The following PCBD2 variants were observed in gnomAD, a reference collection of about 807,000 sequenced individuals.
PCBD2 encodes pterin-4-alpha-carbinolamine dehydratase 2.
PCBD2 carries 12 observed loss-of-function variants against 16.4 expected under a neutral mutation model. The observed-to-expected ratio is 0.73, with a 90% CI of 0.47 to 1.19. The LOEUF is 1.19. PCBD2 is among the 50% of genes most tolerant of loss of function. The probability of loss-of-function intolerance (pLI) is 0.00; values close to 1 mark genes in which losing one functional copy is unlikely to be tolerated. For missense variants in PCBD2, 138 were observed against 156.8 expected, an observed-to-expected ratio of 0.88 and a Z score of 0.64; for synonymous variants, 58 against 61.8, an observed-to-expected ratio of 0.94 and a Z score of 0.29.
At chr5:134,930,063 A>T (rs1172894322) in intron 2 of PCBD2, among the ~76,000 whole-genome samples, 3 of 152,218 alleles carry the variant, frequency 2.0e-5, no homozygotes, top group Non-Finnish European at 4.4e-5. Flanking sequence ...TAGAGCTAGA[A>T]AGGATGGGGC....
intron 2 of PCBD2, 39 bp from the exon 3 acceptor site, chr5:134,959,001 G>A: frequency 6.6e-7 from 1 of 1,523,600 alleles, no homozygotes; most frequent in Non-Finnish European, 9.1e-7. Flanking sequence ...TAGGGTAGAG[G>A]ACAATGTCAG....
chr5:134,920,659 C>CTTT (rs36005222), intron 2 of PCBD2, among the ~76,000 whole-genome samples: 1 of 140,128 alleles, frequency 7.1e-6, no homozygotes, highest in Non-Finnish European at 1.6e-5. Context: ...AGGATGGAGG[C>CTTT]TTTTTTTTTT....
At chr5:134,906,834 C>G (rs1274926965) in intron 1 of PCBD2, among the ~76,000 whole-genome samples, 1 of 152,214 alleles carries the variant, frequency 6.6e-6, no homozygotes, top group Non-Finnish European at 1.5e-5. Context: ...CTAAAAGTAA[C>G]AAAGTTAGGC....
intron 2 of PCBD2, among the ~76,000 whole-genome samples, chr5:134,952,761 G>C: frequency 6.6e-6 from 1 of 151,194 alleles, no homozygotes; most frequent in East Asian, 1.9e-4. Flanking sequence ...AGCTATATTC[G>C]TGCCACTGCA....
At chr5:134,907,570 A>G (rs1000627836) in intron 1 of PCBD2, among the ~76,000 whole-genome samples, 1 of 150,566 alleles carries the variant, frequency 6.6e-6, no homozygotes, top group Non-Finnish European at 1.5e-5. Flanking sequence ...TGATAGATGT[A>G]TGTGTAAGTT....
At position 134,932,280 on chromosome 5, in the gene PCBD2, C is replaced by T. The variant is rs541897048; in HGVS notation, c.216+21814C>T. On this transcript the variant is annotated intron_variant, in intron 2 of 3. Coordinates refer to ENST00000254908, the MANE Select transcript of PCBD2 (RefSeq NM_032151.5). The stretch of plus-strand genomic sequence containing the variant: ...GTAGCCTCAAATTACTGGGCTCAAG[C>T]GATCCTCCTACCTCCGCCTCCTGAG... Among the ~76,000 whole-genome samples the T allele has an allele frequency of 1.3e-3, 202 of 152,068 alleles. 1 individual carries two copies. The highest frequency in any genetic ancestry group is 4.5e-3 in the African/African-American group (187 of 41,464).
At chr5:134,929,840 T>TG (rs1383985212) in intron 2 of PCBD2, among the ~76,000 whole-genome samples, 1 of 152,104 alleles carries the variant, frequency 6.6e-6, no homozygotes, top group African/African-American at 2.4e-5. Flanking sequence ...TACAGGCACA[T>TG]GCCACCATGC....
chr5:134,910,166 G>T (rs1381573491), intron 1 of PCBD2, among the ~76,000 whole-genome samples, 169 bp from the exon 2 acceptor site: 1 of 152,214 alleles, frequency 6.6e-6, no homozygotes, highest in East Asian at 1.9e-4. Context: ...AGCTTATTTT[G>T]CACAGAGCTA....
chr5:134,914,603 G>T (rs527439851), intron 2 of PCBD2, among the ~76,000 whole-genome samples: 2 of 152,076 alleles, frequency 1.3e-5, no homozygotes, highest in African/African-American at 4.8e-5. Flanking sequence ...TTGGAGTCTC[G>T]GCAGGGTAGG....
At chr5:134,956,491 G>A (rs1365353015) in intron 2 of PCBD2, among the ~76,000 whole-genome samples, 1 of 152,162 alleles carries the variant, frequency 6.6e-6, no homozygotes, top group Non-Finnish European at 1.5e-5. Context: ...AATGGGAAAT[G>A]GCAAGGAATT....
intron 2 of PCBD2, among the ~76,000 whole-genome samples, chr5:134,917,562 G>T (rs1750849069): frequency 6.6e-6 from 1 of 152,204 alleles, no homozygotes; most frequent in Non-Finnish European, 1.5e-5. Context: ...TCTTCGGTGG[G>T]CCTGCCCAGC....
intron 2 of PCBD2, among the ~76,000 whole-genome samples, chr5:134,935,570 C>T (rs1271021971): frequency 4.6e-5 from 7 of 152,172 alleles, no homozygotes; most frequent in African/African-American, 1.7e-4. Flanking sequence ...TCTGCTCCTA[C>T]AAATAAGAAT....
At chr5:134,950,426 A>G (rs555221579) in intron 2 of PCBD2, among the ~76,000 whole-genome samples, 33 of 152,354 alleles carry the variant, frequency 2.2e-4, no homozygotes, top group African/African-American at 7.5e-4. Flanking sequence ...ACTTTAATAA[A>G]TCATACATGT....
chr5:134,936,604 C>T lies in PCBD2; in HGVS notation c.217-22436C>T, dbSNP rs185965133. On this transcript the variant is annotated intron_variant, in intron 2 of 3. Coordinates refer to ENST00000254908, the MANE Select transcript of PCBD2 (RefSeq NM_032151.5). The stretch of plus-strand genomic sequence containing the variant: ...GAAACTGATAACTTGTTTTGCTGAC[C>T]ATGATCCTTTTTCTCTTCAGGTCAT... Among the ~76,000 whole-genome samples the T allele has an allele frequency of 6.6e-4, 101 of 152,320 alleles. 1 individual carries two copies. Among genetic ancestry groups the T allele is most frequent in the African/African-American group, 2.3e-3 (97 of 41,568 alleles).
intron 2 of PCBD2, among the ~76,000 whole-genome samples, chr5:134,942,103 C>T (rs942478490): frequency 7.1e-6 from 1 of 140,054 alleles, no homozygotes; most frequent in Non-Finnish European, 1.5e-5. Context: ...TGCACTCCAG[C>T]CTGGGCAATA....
chr5:134,942,923 CTT>C (rs1181912872), intron 2 of PCBD2, among the ~76,000 whole-genome samples: 2 of 152,184 alleles, frequency 1.3e-5, no homozygotes, highest in Non-Finnish European at 2.9e-5. Flanking sequence ...TTTAAAATGT[CTT>C]ATTCCTTTGC....
At chr5:134,949,088 C>G (rs1042155010) in intron 2 of PCBD2, among the ~76,000 whole-genome samples, 2 of 152,066 alleles carry the variant, frequency 1.3e-5, no homozygotes, top group African/African-American at 4.8e-5. Flanking sequence ...CAAGGGACTG[C>G]ACAGGGAATG....
chr5:134,922,975 C>A (rs1217591597), intron 2 of PCBD2, among the ~76,000 whole-genome samples: 2 of 152,142 alleles, frequency 1.3e-5, no homozygotes, highest in Non-Finnish European at 2.9e-5. Flanking sequence ...CTGCCCGGCC[C>A]TAGGAAGGAA....
intron 2 of PCBD2, among the ~76,000 whole-genome samples, chr5:134,944,044 G>A (rs1204116559): frequency 6.6e-6 from 1 of 152,098 alleles, no homozygotes; most frequent in Non-Finnish European, 1.5e-5. Context: ...TTAAAAAATT[G>A]TTTTCCTCTT....
Sources: allele counts gnomAD v4.1 joint callset (sites outside exome capture counted in the v4.1 genomes callset), GRCh38; gene constraint gnomAD v4.1.1; transcripts MANE v1.5; gene names NCBI Gene and HGNC (gene_info 2026-07-23, HGNC 2026-07-21).